The following BUB1B variants were observed in gnomAD, a reference collection of about 807,000 sequenced individuals.
BUB1B encodes the protein BUB1 mitotic checkpoint serine/threonine kinase B.
In BUB1B, 86 loss-of-function variants were observed where a neutral mutation model predicts 137.7. The ratio of observed to expected loss-of-function variants is 0.62; its 90% confidence interval spans 0.52 to 0.75. The LOEUF is 0.75. BUB1B is among the 30% of genes least tolerant of loss of function. The probability of loss-of-function intolerance (pLI) is 0.00; values close to 1 mark genes in which losing one functional copy is unlikely to be tolerated. For missense variants in BUB1B, 1,130 were observed against 1,236.9 expected (o/e 0.91, Z 1.30); for synonymous variants, 420 against 417.9 (o/e 1.00, Z -0.06).
intron 8 of BUB1B, among the ~76,000 whole-genome samples, chr15:40,190,663 G>T (rs1055836667): frequency 6.6e-6 from 1 of 152,080 alleles, no homozygotes; most frequent in Non-Finnish European, 1.5e-5. Context: ...TTCACCTTTG[G>T]CATATCCAAA....
intron 1 of BUB1B, among the ~76,000 whole-genome samples, chr15:40,164,046 T>A (rs184912047): frequency 7.9e-4 from 120 of 152,316 alleles, no homozygotes; most frequent in Non-Finnish European, 8.7e-4. Context: ...GTAATGGGAA[T>A]TACCTCCAAA....
At chr15:40,181,576 G>C (rs952883929) in intron 5 of BUB1B, among the ~76,000 whole-genome samples, 1 of 151,936 alleles carries the variant, frequency 6.6e-6, no homozygotes, top group Non-Finnish European at 1.5e-5. Flanking sequence ...CATTTCCCCC[G>C]ACTCTGCTAC....
intron 9 of BUB1B, among the ~76,000 whole-genome samples, chr15:40,197,052 G>C (rs768141230): frequency 7.2e-4 from 109 of 152,146 alleles, no homozygotes; most frequent in South Asian, 4.1e-4. Context: ...AAGAAGTTCT[G>C]AACTGTATGA....
In BUB1B at chr15:40,209,785, A is replaced by G; in HGVS notation, c.2284+10A>G. ...AAGGAAATTGAATTAGGTAAGTACC[A>G]TTGAACTCATGTCCTCTGGTTCATG... On this transcript the variant is annotated intron_variant, in intron 17 of 22. Coordinates refer to ENST00000287598, the MANE Select transcript of BUB1B (RefSeq NM_001211.6). 6.2e-7 allele frequency: 1 copy of G among 1,614,080 alleles called. No individual in the cohort carries two copies. The highest frequency in any genetic ancestry group is 1.1e-5 in the South Asian group (1 of 91,078).
chr15:40,171,513 C>T (rs181483299), intron 4 of BUB1B, among the ~76,000 whole-genome samples: 63 of 152,174 alleles, frequency 4.1e-4, no homozygotes, highest in African/African-American at 1.4e-3. Flanking sequence ...CACCACTGTC[C>T]GCCAGCCCAA....
Position 40,176,633 on chromosome 15 carries a change from C to G in BUB1B, c.541C>G (p.Gln181Glu). The G allele has an allele frequency of 6.2e-7, 1 of 1,614,160 alleles. No homozygotes were observed. The highest frequency in any genetic ancestry group is 8.5e-7 in the Non-Finnish European group (1 of 1,180,018). Residue 181 changes from glutamine to glutamate, a missense_variant, in exon 5 of 23, where the codon CAG (glutamine) becomes GAG (glutamate). By Grantham distance (29) the Gln-to-Glu change is conservative. Coordinates refer to ENST00000287598, the MANE Select transcript of BUB1B (RefSeq NM_001211.6). ...ADAIFQEGIQ[Q>E]KAEPLERLQS... is the part of the protein sequence containing the mutation. Reference sequence around the variant, plus strand: ...TGCGATATTTCAGGAAGGGATTCAACAGAAGGCTGAACCACTAGAAAGACT... The same window carrying G: ...TGCGATATTTCAGGAAGGGATTCAAGAGAAGGCTGAACCACTAGAAAGACT...
At chr15:40,176,817 A>G (rs568320025) in intron 5 of BUB1B, 144 bp downstream of exon 5, 36 of 882,010 alleles carry the variant, frequency 4.1e-5, no homozygotes. Context: ...GATATATTTT[A>G]AAAATTTTAT....
intron 20 of BUB1B, 62 bp downstream of exon 20, chr15:40,213,536 T>C: frequency 7.0e-7 from 1 of 1,427,418 alleles, no homozygotes; most frequent in Non-Finnish European, 9.7e-7. Flanking sequence ...TAGTTGCCAC[T>C]TTTTTTTTTC....
At chr15:40,199,157 A>C (rs1291917619) in intron 9 of BUB1B, among the ~76,000 whole-genome samples, 1 of 152,186 alleles carries the variant, frequency 6.6e-6, no homozygotes, top group East Asian at 1.9e-4. Context: ...TCACTTTATC[A>C]GAATGATCTT....
intron 5 of BUB1B, among the ~76,000 whole-genome samples, chr15:40,182,148 G>A (rs912991588): frequency 6.6e-6 from 1 of 152,232 alleles, no homozygotes; most frequent in African/African-American, 2.4e-5. Context: ...AGGTTGTAGT[G>A]AGCCGAGATT....
chr15:40,192,489 A>T (rs2037449503), intron 8 of BUB1B, among the ~76,000 whole-genome samples: 1 of 152,222 alleles, frequency 6.6e-6, no homozygotes, highest in South Asian at 2.1e-4. Context: ...TCTATCCATC[A>T]TTACGGTGTC....
At chr15:40,198,242 T>TC (rs995500889) in intron 9 of BUB1B, among the ~76,000 whole-genome samples, 11 of 151,312 alleles carry the variant, frequency 7.3e-5, no homozygotes, top group Admixed American at 4.6e-4. Flanking sequence ...CTATTGTGTT[T>TC]TTTTTTTTTT....
At chr15:40,177,119 G>T (rs529624087) in intron 5 of BUB1B, among the ~76,000 whole-genome samples, 1 of 152,178 alleles carries the variant, frequency 6.6e-6, no homozygotes, top group Admixed American at 6.5e-5. Flanking sequence ...TTTATAGATT[G>T]TAAGTATAAG....
At chr15:40,199,590 C>A (rs2037538836) in intron 9 of BUB1B, 25 bp from the exon 10 acceptor site, 1 of 1,593,618 alleles carries the variant, frequency 6.3e-7, no homozygotes, top group African/African-American at 1.3e-5. Flanking sequence ...AGGAATAATA[C>A]CTCAAGCAAC....
rs1301115559 is a variant in BUB1B at position 40,210,162 on chromosome 15, G to T, written c.2337G>T (p.Lys779Asn). ...KREYLICEDY[K>N]LFWVAPRNSA... ...AATACCTAATATGTGAAGATTACAA[G>T]TTATTCTGGGTGGCGCCAAGAAACT... Residue 779 changes from lysine (K) to asparagine (N), a missense_variant, in exon 18 of 23, where the codon AAG becomes AAT. Coordinates refer to ENST00000287598, the MANE Select transcript of BUB1B (RefSeq NM_001211.6). 20 of 1,612,656 alleles carry T rather than the reference G, an allele frequency of 1.2e-5. No individual in the cohort carries two copies. In the Admixed American group the frequency reaches 2.7e-4, roughly 22 times the overall value.
At chr15:40,164,394 A>T (rs1336853571) in intron 1 of BUB1B, among the ~76,000 whole-genome samples, 1 of 151,844 alleles carries the variant, frequency 6.6e-6, no homozygotes, top group Non-Finnish European at 1.5e-5. Flanking sequence ...CGCCTGGCTA[A>T]TTTTTCACTT....
rs752339968 is a variant in BUB1B at position 40,200,896 on chromosome 15, A to T, written c.1518-35A>T. 6 of 1,597,202 alleles carry T rather than the reference A, an allele frequency of 3.8e-6. No homozygotes were observed. In the Admixed American group the frequency reaches 6.7e-5, roughly 18 times the overall value. ...AAATTAAACAGTTCTTTCTGTGGGT[A>T]TTGAGCACATGATTTAAAACAAGTT... On this transcript the variant is annotated intron_variant, in intron 11 of 22. Coordinates refer to ENST00000287598, the MANE Select transcript of BUB1B (RefSeq NM_001211.6).
intron 1 of BUB1B, among the ~76,000 whole-genome samples, chr15:40,164,040 T>A (rs1194324722): frequency 6.6e-6 from 1 of 152,182 alleles, no homozygotes. Flanking sequence ...GAATACGTAA[T>A]GGGAATTACC....
chr15:40,213,382 T>C lies in BUB1B; in HGVS notation c.2586T>C (p.Ile862=), dbSNP rs542192307. The C allele has an allele frequency of 7.4e-6, 12 of 1,613,974 alleles. 1 individual carries two copies. The South Asian group carries it at 1.3e-4, about 18-fold the overall frequency. The part of the protein sequence containing the change: ...EYITHEITVL[I]IYNLLTIVEM... ...TTACCCATGAAATAACAGTGTTGAT[T>C]ATTTATAACCTTTTGACAATAGTGG... is the stretch of plus-strand genomic sequence containing the variant. Residue 862 remains isoleucine (I), a synonymous_variant, in exon 20 of 23, where the codon ATT becomes ATC. Coordinates refer to ENST00000287598, the MANE Select transcript of BUB1B (RefSeq NM_001211.6).
Sources: allele counts gnomAD v4.1 joint callset (sites outside exome capture counted in the v4.1 genomes callset), GRCh38; gene constraint gnomAD v4.1.1; transcripts MANE v1.5; gene names NCBI Gene and HGNC (gene_info 2026-07-23, HGNC 2026-07-21).